Variants in TTLL5 observed in about 807,000 individuals in gnomAD.
The protein encoded by TTLL5 is tubulin polyglutamylase TTLL5.
TTLL5 carries 132 observed loss-of-function variants against 168.4 expected under a neutral mutation model. The ratio of observed to expected loss-of-function variants is 0.78; its 90% CI spans 0.68 to 0.91. The LOEUF is 0.91. Ranked by LOEUF, TTLL5 falls within the 40% of genes least tolerant of loss-of-function variation. The pLI, the probability that TTLL5 is intolerant of heterozygous loss-of-function variation, is 0.00. For missense variants in TTLL5, 1,545 were observed against 1,581.5 expected (o/e 0.98, Z 0.39); for synonymous variants, 546 against 558.6 (o/e 0.98, Z 0.32).
At chr14:75,687,536 A>G (rs1266383609) in intron 5 of TTLL5, among the ~76,000 whole-genome samples, 1 of 152,148 alleles carries the variant, frequency 6.6e-6, no homozygotes, top group Non-Finnish European at 1.5e-5. Context: ...AGCCTCCCAA[A>G]GTGCTGGGAT....
chr14:75,676,727 A>G (rs1355034319), intron 3 of TTLL5, among the ~76,000 whole-genome samples: 2 of 150,158 alleles, frequency 1.3e-5, no homozygotes, highest in Non-Finnish European at 3.0e-5. Flanking sequence ...TTTTTCTTTT[A>G]TATTAGGAGG....
In TTLL5 at chr14:75,820,028, A is replaced by G. The variant is rs1894738201; in HGVS notation, c.3193A>G (p.Thr1065Ala). 6.2e-7 allele frequency: 1 copy of G among 1,603,276 alleles called. No homozygotes were observed. Residue 1065 changes from threonine (T) to alanine (A), a missense_variant, in exon 28 of 32, where the codon ACT becomes GCT. Transcript: ENST00000298832. Reference sequence around the variant, plus strand: ...CTAGGTAACAAACCTGAATTTGGCAACTGGCATCATAAACAGAAGCAGTGC... The same window carrying G: ...CTAGGTAACAAACCTGAATTTGGCAGCTGGCATCATAAACAGAAGCAGTGC... ...TQQVTNLNLA[T>A]GIINRSSASA... is the part of the protein sequence containing the mutation.
chr14:75,846,581 G>A (rs997307509), intron 28 of TTLL5, among the ~76,000 whole-genome samples: 4 of 152,014 alleles, frequency 2.6e-5, no homozygotes, highest in South Asian at 2.1e-4. Flanking sequence ...ACCTGAGATC[G>A]GGAGTTCGAG....
rs1284315450 is a variant in TTLL5 at position 75,888,917 on chromosome 14, CAGAG to C, written c.3740+6021_3740+6024del. The stretch of plus-strand genomic sequence containing the variant: ...CACCACTGCACTCCAGCCTGGGCAA[CAGAG>C]AGAGACTGTCTCCGAAAAAAAAAAA... On this transcript the variant is annotated intron_variant, in intron 30 of 31. Transcript: ENST00000298832. Among the ~76,000 whole-genome samples the C allele has an allele frequency of 4.4e-5, 5 of 113,978 alleles. No individual in the cohort carries two copies. The East Asian group carries it at 1.3e-3, about 29-fold the overall frequency. 74.8% of individuals were successfully genotyped at this position (113,978 alleles called of 152,430 possible). A position where few individuals can be genotyped will look rare whatever the true frequency, so the allele number is the denominator to read the frequency against.
intron 12 of TTLL5, among the ~76,000 whole-genome samples, chr14:75,721,195 TCTCTTC>T (rs1887815004): frequency 6.6e-6 from 1 of 152,004 alleles, no homozygotes; most frequent in South Asian, 2.1e-4. Flanking sequence ...TCTTTCTCTT[TCTCTTC>T]CTCTTCTCCT....
chr14:75,843,304 G>A (rs1324428669), intron 28 of TTLL5, among the ~76,000 whole-genome samples: 1 of 152,200 alleles, frequency 6.6e-6, no homozygotes, highest in Non-Finnish European at 1.5e-5. Flanking sequence ...GAACTGAGAT[G>A]TAAATATACT....
intron 31 of TTLL5, among the ~76,000 whole-genome samples, chr14:75,933,444 A>G (rs1410456981): frequency 6.6e-6 from 1 of 152,202 alleles, no homozygotes; most frequent in African/African-American, 2.4e-5. Context: ...CCTGGCCGAC[A>G]GATTGAGACT....
intron 30 of TTLL5, among the ~76,000 whole-genome samples, chr14:75,897,250 T>C (rs1485066668): frequency 2.6e-5 from 4 of 152,102 alleles, no homozygotes; most frequent in African/African-American, 9.7e-5. Flanking sequence ...TTAGGAAGTG[T>C]ACATGTAATA....
intron 27 of TTLL5, among the ~76,000 whole-genome samples, chr14:75,803,445 C>T (rs933815668): frequency 2.0e-5 from 3 of 152,192 alleles, no homozygotes; most frequent in African/African-American, 7.2e-5. Flanking sequence ...AAATATCAAA[C>T]TTTCCCTGCC....
intron 31 of TTLL5, among the ~76,000 whole-genome samples, chr14:75,944,173 C>T (rs1169611078): frequency 1.1e-4 from 16 of 152,164 alleles, no homozygotes; most frequent in East Asian, 1.9e-4. Flanking sequence ...ATTGAGGCTG[C>T]GGCAGACCTG....
At chr14:75,845,763 C>T (rs1160356482) in intron 28 of TTLL5, among the ~76,000 whole-genome samples, 1 of 152,194 alleles carries the variant, frequency 6.6e-6, no homozygotes, top group Non-Finnish European at 1.5e-5. Context: ...GAATTTGAGT[C>T]CAGGTCTTTC....
chr14:75,816,822 G>A (rs905807555), intron 27 of TTLL5, among the ~76,000 whole-genome samples: 5 of 152,076 alleles, frequency 3.3e-5, no homozygotes, highest in African/African-American at 1.2e-4. Flanking sequence ...TGTGGGGCAG[G>A]AGTGAGTTCA....
intron 20 of TTLL5, among the ~76,000 whole-genome samples, chr14:75,770,829 A>G (rs1367130562): frequency 6.6e-6 from 1 of 152,196 alleles, no homozygotes. Context: ...CATCTGTGCC[A>G]AACTCTGTTG....
intron 28 of TTLL5, among the ~76,000 whole-genome samples, chr14:75,841,134 A>T (rs1896211231): frequency 1.3e-5 from 2 of 152,182 alleles, no homozygotes; most frequent in South Asian, 4.1e-4. Context: ...CACCCCCATC[A>T]TCCAATCACC....
intron 28 of TTLL5, among the ~76,000 whole-genome samples, chr14:75,844,544 A>T (rs928059542): frequency 6.6e-6 from 1 of 152,184 alleles, no homozygotes; most frequent in African/African-American, 2.4e-5. Flanking sequence ...TTTATTCTGT[A>T]TGTCCTTAGG....
At chr14:75,792,538 G>A (rs1892787249) in intron 26 of TTLL5, among the ~76,000 whole-genome samples, 1 of 142,652 alleles carries the variant, frequency 7.0e-6, no homozygotes, top group African/African-American at 2.6e-5. Flanking sequence ...ACAGACTGTT[G>A]ACAAGTACAG....
At chr14:75,756,651 G>A (rs895328100) in intron 18 of TTLL5, among the ~76,000 whole-genome samples, 1 of 151,940 alleles carries the variant, frequency 6.6e-6, no homozygotes, top group Non-Finnish European at 1.5e-5. Context: ...GGGATTATGG[G>A]CCCATGACAC....
At chr14:75,819,459 T>C (rs1566617893) in intron 27 of TTLL5, among the ~76,000 whole-genome samples, 1 of 152,252 alleles carries the variant, frequency 6.6e-6, no homozygotes, top group Non-Finnish European at 1.5e-5. Flanking sequence ...ATAATTTACA[T>C]TTACCAGTAG....
chr14:75,841,208 A>G (rs1453862832), intron 28 of TTLL5, among the ~76,000 whole-genome samples: 1 of 152,234 alleles, frequency 6.6e-6, no homozygotes, highest in East Asian at 1.9e-4. Flanking sequence ...GAGGGGACAA[A>G]CAGCCAAACC....
Sources: gnomAD v4.1 joint callset for allele counts (sites outside exome capture counted in the v4.1 genomes callset) on GRCh38, gnomAD v4.1.1 for gene constraint, MANE v1.5 for transcripts, NCBI Gene and HGNC (gene_info 2026-07-23, HGNC 2026-07-21) for gene names.